TP73: variants seen among roughly 807,000 people sequenced by gnomAD.
TP73 encodes p53-like transcription factor.
In TP73, 25 loss-of-function variants were observed where a neutral mutation model predicts 62.5. The ratio of observed to expected loss-of-function variants is 0.40; its 90% CI spans 0.29 to 0.56. TP73 has a LOEUF of 0.56. Ranked by LOEUF, TP73 falls within the 20% of genes least tolerant of loss-of-function variation. The probability of loss-of-function intolerance (pLI) is 0.46; values close to 1 mark genes in which losing one functional copy is unlikely to be tolerated. For missense variants in TP73, 754 were observed against 913.3 expected (o/e 0.83, Z 2.25); for synonymous variants, 423 against 377.5 (o/e 1.12, Z -1.40).
chr1:3,667,740 A>G (rs1272784379), intron 1 of TP73, among the ~76,000 whole-genome samples: 2 of 145,424 alleles, frequency 1.4e-5, no homozygotes, highest in African/African-American at 5.4e-5. Flanking sequence ...ACAGAGAGAG[A>G]TTCTGTCTCA....
intron 4 of TP73, among the ~76,000 whole-genome samples, chr1:3,716,235 G>A (rs983022579): frequency 2.6e-5 from 4 of 152,160 alleles, no homozygotes; most frequent in Non-Finnish European, 4.4e-5. Context: ...TGGGAGCCCC[G>A]GCTGGCCAGC....
At chr1:3,697,556 T>C (rs1638779439) in intron 3 of TP73, among the ~76,000 whole-genome samples, 1 of 152,200 alleles carries the variant, frequency 6.6e-6, no homozygotes. Context: ...CCACTTTTGA[T>C]CCCAAGCCCC....
chr1:3,718,065 C>T (rs1640752339), intron 4 of TP73, among the ~76,000 whole-genome samples: 1 of 152,100 alleles, frequency 6.6e-6, no homozygotes, highest in South Asian at 2.1e-4. Context: ...GCCTGGGCCT[C>T]CCTCCGCCAC....
intron 13 of TP73, 96 bp downstream of exon 13, chr1:3,731,652 G>A: frequency 1.8e-6 from 2 of 1,131,830 alleles, no homozygotes; most frequent in Non-Finnish European, 2.6e-6. Flanking sequence ...CTCGTGGCTG[G>A]GAAACTTGGA....
intron 2 of TP73, 32 bp downstream of exon 2, chr1:3,682,462 C>A (rs1322338371): frequency 2.1e-6 from 3 of 1,450,570 alleles, no homozygotes; most frequent in Admixed American, 2.2e-5. Context: ...GAGCTGGGGG[C>A]CCCCCTGGGA....
At chr1:3,671,499 C>A (rs1325565063) in intron 1 of TP73, among the ~76,000 whole-genome samples, 2 of 152,202 alleles carry the variant, frequency 1.3e-5, no homozygotes, top group East Asian at 1.9e-4. Flanking sequence ...TCGTCGGGAG[C>A]CCCCTTCGTG....
chr1:3,678,443 G>T (rs1265703115), intron 1 of TP73, among the ~76,000 whole-genome samples: 1 of 152,222 alleles, frequency 6.6e-6, no homozygotes, highest in African/African-American at 2.4e-5. Context: ...TCAGGTGTGT[G>T]AGGCCGGTTG....
intron 11 of TP73, among the ~76,000 whole-genome samples, chr1:3,730,363 G>T (rs901720863): frequency 2.0e-5 from 3 of 152,244 alleles, no homozygotes; most frequent in East Asian, 1.9e-4. Context: ...GTGGTTAAGA[G>T]CGTGGAACCC....
At chr1:3,689,288 C>G (rs1273866975) in intron 3 of TP73, among the ~76,000 whole-genome samples, 2 of 152,230 alleles carry the variant, frequency 1.3e-5, no homozygotes, top group African/African-American at 4.8e-5. Context: ...CTTCCTGAAC[C>G]TGATCTACCA....
At chr1:3,719,948 C>T (rs953867194) in intron 4 of TP73, among the ~76,000 whole-genome samples, 3 of 144,678 alleles carry the variant, frequency 2.1e-5, no homozygotes, top group Non-Finnish European at 4.5e-5. Flanking sequence ...CGGATTCTCA[C>T]TTTGTCACCC....
intron 9 of TP73, 41 bp from the exon 10 acceptor site, chr1:3,729,286 G>T (rs749519674): frequency 7.4e-6 from 12 of 1,611,958 alleles, no homozygotes; most frequent in Admixed American, 5.0e-5. Context: ...TCCCGTGGGG[G>T]TCTGGGGCAC....
chr1:3,722,319 C>T (rs1052438300), intron 5 of TP73, 112 bp downstream of exon 5: 1 of 1,336,350 alleles, frequency 7.5e-7, no homozygotes, highest in African/African-American at 1.5e-5. Context: ...TGGGCTTAGC[C>T]ATTCCCCTGC....
At chr1:3,730,669 G>C (rs1168372730) in intron 11 of TP73, among the ~76,000 whole-genome samples, 1 of 152,170 alleles carries the variant, frequency 6.6e-6, no homozygotes, top group Non-Finnish European at 1.5e-5. Context: ...CAGCACTCCA[G>C]TGCCAGCTGC....
chr1:3,698,550 C>T (rs781584510), intron 3 of TP73, among the ~76,000 whole-genome samples: 6 of 152,132 alleles, frequency 3.9e-5, no homozygotes, highest in Non-Finnish European at 8.8e-5. Context: ...GGGAGGTGGG[C>T]TTTGAGCGGG....
intron 3 of TP73, 56 bp downstream of exon 3, chr1:3,683,236 C>T (rs1645567413): frequency 6.5e-7 from 1 of 1,549,186 alleles, no homozygotes; most frequent in Non-Finnish European, 8.8e-7. Context: ...ACAAATGTGG[C>T]CTGTCCTGTC....
intron 6 of TP73, among the ~76,000 whole-genome samples, chr1:3,725,021 A>AG (rs1258511423): frequency 6.6e-6 from 1 of 151,806 alleles, no homozygotes. Flanking sequence ...TCCGTCTCAA[A>AG]AAAAAAAAAA....
In TP73 at chr1:3,734,518, G is replaced by C. The variant is rs866435417; in HGVS notation, c.*1439G>C. On this transcript the variant is annotated 3_prime_UTR_variant, in exon 14 of 14. Coordinates refer to ENST00000378295, the MANE Select transcript of TP73 (RefSeq NM_005427.4). The surrounding 1 kb of genome is among the most constrained non-coding windows in gnomAD (Gnocchi z 4.4). The stretch of plus-strand genomic sequence containing the variant: ...CAGGCTGCCTGGCCCCTTCTGGCAC[G>C]GCCAGCTCCACACCCCCTGCCTAGG... The C allele has an allele frequency of 3.3e-5, 5 of 152,060 alleles. No individual in the cohort carries two copies. Among genetic ancestry groups the C allele is most frequent in the Admixed American group, 3.3e-4 (5 of 15,260 alleles). The allele number at this position is 152,060 out of a possible 1,614,324, so 9.4% of individuals were successfully genotyped here.
chr1:3,689,641 G>A (rs973259567), intron 3 of TP73, among the ~76,000 whole-genome samples: 4 of 151,694 alleles, frequency 2.6e-5, no homozygotes, highest in African/African-American at 9.7e-5. Flanking sequence ...CGGTGGGGAC[G>A]ACAGGGAGGA....
rs529583279 is a variant in TP73 at position 3,684,335 on chromosome 1, C to A, written c.186+1155C>A. On this transcript the variant is annotated intron_variant, in intron 3 of 13. Transcript: ENST00000378295. Reference sequence around the variant, plus strand: ...CAGCGCGTCTGGGGCAGGGTCGGGCCTCCCTCACTTATGCTCAGCCCGAAA... The same window carrying A: ...CAGCGCGTCTGGGGCAGGGTCGGGCATCCCTCACTTATGCTCAGCCCGAAA... Among the ~76,000 whole-genome samples, 15 of 152,368 alleles carry A rather than the reference C, an allele frequency of 9.8e-5. No individual in the cohort carries two copies. In the East Asian group the frequency reaches 2.7e-3, roughly 27 times the overall value.
Sources: gnomAD v4.1 joint callset for allele counts (sites outside exome capture counted in the v4.1 genomes callset) on GRCh38, gnomAD v4.1.1 for gene constraint, Gnocchi (gnomAD v3.1) non-coding constraint, MANE v1.5 for transcripts, NCBI Gene and HGNC (gene_info 2026-07-23, HGNC 2026-07-21) for gene names.